The following KIR3DL1 variants were observed in gnomAD, a reference collection of about 807,000 sequenced individuals.
KIR3DL1 encodes the protein killer cell immunoglobulin-like receptor 3DL1.
KIR3DL1 carries 50 observed loss-of-function variants against 40.3 expected under a neutral mutation model. That is an observed-to-expected ratio of 1.24 (90% CI 0.99 to 1.57). The LOEUF is 1.57. Ranked by LOEUF, KIR3DL1 falls within the 40% of genes most tolerant of loss-of-function variation. The pLI, the probability that KIR3DL1 is intolerant of heterozygous loss-of-function variation, is 0.00. For missense variants in KIR3DL1, 661 were observed against 559.9 expected (o/e 1.18, Z -1.82); for synonymous variants, 257 against 207.2 (o/e 1.24, Z -2.07).
chr19:54,825,556 G>A (rs1240450364), intron 6 of KIR3DL1, among the ~76,000 whole-genome samples: 6 of 149,856 alleles, frequency 4.0e-5, no homozygotes, highest in South Asian at 2.1e-4. Flanking sequence ...CGCACACTTC[G>A]ACTCACTGAC....
At chr19:54,820,581 T>C (rs900263743) in intron 4 of KIR3DL1, among the ~76,000 whole-genome samples, 1 of 151,376 alleles carries the variant, frequency 6.6e-6, no homozygotes, top group Non-Finnish European at 1.5e-5. Context: ...CTGAGGCTCA[T>C]ATTCCAAATA....
At chr19:54,819,971 A>T (rs1396537950) in exon 4 of KIR3DL1, 10 of 1,611,354 alleles carry the variant, frequency 6.2e-6, no homozygotes, top group African/African-American at 1.3e-5. Flanking sequence ...ACCCCCTATC[A>T]GTTGTCAGCT....
intron 5 of KIR3DL1, among the ~76,000 whole-genome samples, chr19:54,823,263 C>G (rs1489251451): frequency 2.0e-5 from 3 of 151,028 alleles, no homozygotes; most frequent in Admixed American, 6.6e-5. Context: ...TCTCAAACTC[C>G]TGACCTCAAG....
intron 5 of KIR3DL1, among the ~76,000 whole-genome samples, chr19:54,822,519 T>G (rs371567586): frequency 7.4e-5 from 11 of 149,232 alleles, no homozygotes; most frequent in Non-Finnish European, 1.0e-4. Flanking sequence ...TCCTAGCTAC[T>G]TGGGAGGCTG....
intron 5 of KIR3DL1, among the ~76,000 whole-genome samples, chr19:54,823,300 G>T (rs2061729455): frequency 1.3e-5 from 2 of 151,074 alleles, no homozygotes; most frequent in Non-Finnish European, 2.9e-5. Context: ...GTTTCCCAAA[G>T]TGCTGAAGTT....
At chr19:54,820,412 T>C (rs1391546243) in intron 4 of KIR3DL1, among the ~76,000 whole-genome samples, 1 of 151,542 alleles carries the variant, frequency 6.6e-6, no homozygotes, top group Non-Finnish European at 1.5e-5. Flanking sequence ...CTGACCTGAG[T>C]TGGGCCCTGT....
At position 54,821,329 on chromosome 19, in the gene KIR3DL1, G is replaced by C. The variant is rs1177052224; in HGVS notation, c.656-236G>C. Reference sequence around the variant, plus strand: ...CAACCAATCCAAGGAGGGTCAGAGAGAATAAAACAATCCAAAAAGGGAAAA... The same window carrying C: ...CAACCAATCCAAGGAGGGTCAGAGACAATAAAACAATCCAAAAAGGGAAAA... On this transcript the variant is annotated intron_variant, in intron 4 of 8. Coordinates refer to ENST00000391728, the Ensembl canonical transcript of KIR3DL1. Among the ~76,000 whole-genome samples, 2 of 151,022 alleles carry C rather than the reference G, an allele frequency of 1.3e-5. 1 individual carries two copies. The highest frequency in any genetic ancestry group is 2.9e-5 in the Non-Finnish European group (2 of 67,888).
At chr19:54,827,600 A>G (rs1211089024) in intron 6 of KIR3DL1, among the ~76,000 whole-genome samples, 1 of 150,564 alleles carries the variant, frequency 6.6e-6, no homozygotes, top group Non-Finnish European at 1.5e-5. Context: ...GGGTGACACA[A>G]GGAGACTCCA....
chr19:54,818,197 G>A (rs2061445020), intron 2 of KIR3DL1, 118 bp from the exon 3 acceptor site: 1 of 1,101,260 alleles, frequency 9.1e-7, no homozygotes, highest in African/African-American at 1.8e-5. Context: ...CTGTAGCCCT[G>A]GGCACCCAGG....
intron 6 of KIR3DL1, among the ~76,000 whole-genome samples, chr19:54,828,103 G>GCC (rs2062003154): frequency 1.3e-5 from 2 of 148,902 alleles, no homozygotes; most frequent in Non-Finnish European, 1.5e-5. Context: ...CCCAGCCTCT[G>GCC]AGGTAGAACA....
At chr19:54,828,000 A>T (rs4806575) in intron 6 of KIR3DL1, among the ~76,000 whole-genome samples, 27,387 of 150,030 alleles carry the variant, frequency 0.18, 3,118 homozygotes, top group Middle Eastern at 0.27. Context: ...ATCAGAGATC[A>T]GTGCCAGCAC....
At chr19:54,821,892 G>A (rs1447502185) in intron 5 of KIR3DL1, 34 bp downstream of exon 5, 2 of 1,585,844 alleles carry the variant, frequency 1.3e-6, no homozygotes, top group East Asian at 4.5e-5. Context: ...CATGTCCTAT[G>A]ATCCTAAATC....
chr19:54,817,169 A>G (rs1387590112), intron 1 of KIR3DL1, among the ~76,000 whole-genome samples: 1 of 139,610 alleles, frequency 7.2e-6, no homozygotes, highest in Admixed American at 7.1e-5. Flanking sequence ...ATGGGCCTGG[A>G]GTGGAGATAT....
chr19:54,828,003 G>C (rs189714600), intron 6 of KIR3DL1, among the ~76,000 whole-genome samples: 20,750 of 149,996 alleles, frequency 0.14, 1,970 homozygotes, highest in Middle Eastern at 0.18. Flanking sequence ...AGAGATCAGT[G>C]CCAGCACTAG....
intron 5 of KIR3DL1, among the ~76,000 whole-genome samples, chr19:54,824,795 G>C (rs1225358689): frequency 6.7e-6 from 1 of 149,608 alleles, no homozygotes; most frequent in African/African-American, 2.5e-5. Context: ...GCTTACTACA[G>C]CTCTGTAACA....
rs776054540 is a variant in KIR3DL1 at position 54,818,636 on chromosome 19, C to T, written c.355+37C>T. Reference sequence around the variant, plus strand: ...TCCGTCTGGGCTTCTCACTGTCCCACCTCCTGAATCCCAGAGCTTCTGGTG... The same window carrying T: ...TCCGTCTGGGCTTCTCACTGTCCCATCTCCTGAATCCCAGAGCTTCTGGTG... On this transcript the variant is annotated intron_variant, in intron 3 of 8. Coordinates refer to ENST00000391728, the Ensembl canonical transcript of KIR3DL1. The T allele has an allele frequency of 1.6e-5, 25 of 1,585,274 alleles. 1 individual carries two copies. The African/African-American group carries it at 3.0e-4, about 19-fold the overall frequency.
At chr19:54,817,362 G>C (rs2061402176) in intron 1 of KIR3DL1, among the ~76,000 whole-genome samples, 172 bp from the exon 2 acceptor site, 1 of 145,610 alleles carries the variant, frequency 6.9e-6, no homozygotes, top group Non-Finnish European at 1.5e-5. Context: ...GGGCCTGGAG[G>C]CTCAGTCTCT....
In KIR3DL1 at chr19:54,816,535, G is replaced by T. The variant is rs1233140019; in HGVS notation, c.34+1G>T. Reference sequence around the variant, plus strand: ...ATGGTCGTCAGCATGGCGTGTGTTGGTGAGTCCTGGAAGGGAATCGAGGGA... The same window carrying T: ...ATGGTCGTCAGCATGGCGTGTGTTGTTGAGTCCTGGAAGGGAATCGAGGGA... On this transcript the variant is annotated splice_donor_variant, in intron 1 of 8. Transcript: ENST00000391728. LOFTEE classifies it high-confidence loss of function. The T allele has an allele frequency of 8.1e-6, 13 of 1,608,458 alleles. No individual in the cohort carries two copies. The highest frequency in any genetic ancestry group is 6.7e-5 in the Admixed American group (4 of 59,530).
At chr19:54,827,468 C>T (rs1240152843) in intron 6 of KIR3DL1, among the ~76,000 whole-genome samples, 2 of 149,942 alleles carry the variant, frequency 1.3e-5, no homozygotes, top group African/African-American at 2.5e-5. Context: ...AAAAATTAGC[C>T]GAGCATGGTG....
Sources: gnomAD v4.1 joint callset for allele counts (sites outside exome capture counted in the v4.1 genomes callset) on GRCh38, gnomAD v4.1.1 for gene constraint, MANE v1.5 for transcripts, NCBI Gene and HGNC (gene_info 2026-07-23, HGNC 2026-07-21) for gene names.